The following THADA variants were observed in gnomAD, a reference collection of about 807,000 sequenced individuals.
THADA encodes tRNA (32-2'-O)-methyltransferase regulator THADA.
Under a neutral mutation model 219.8 loss-of-function variants are expected in THADA, and 213 were observed. That is an observed-to-expected ratio of 0.97 (90% CI 0.87 to 1.09). The LOEUF is 1.09. Among genes scored for constraint, THADA ranks in the 50% least tolerant of loss-of-function variants. The pLI is 0.00. For missense variants in THADA, 2,956 were observed against 2,311.3 expected (o/e 1.28, Z -5.72); for synonymous variants, 1,018 against 828.9 (o/e 1.23, Z -3.92).
chr2:43,398,165 C>T (rs1674334806), intron 28 of THADA, 26 bp from the exon 29 acceptor site: 1 of 1,607,698 alleles, frequency 6.2e-7, no homozygotes, highest in South Asian at 1.1e-5. Flanking sequence ...AACACAAGAC[C>T]ATTCAATAGT....
chr2:43,463,610 C>CT (rs1269255009), intron 26 of THADA, among the ~76,000 whole-genome samples: 28 of 152,224 alleles, frequency 1.8e-4, no homozygotes, highest in African/African-American at 6.7e-4. Context: ...AGTCAGTGAA[C>CT]TTAAGCTATT....
intron 20 of THADA, among the ~76,000 whole-genome samples, chr2:43,543,271 T>A (rs1695566981): frequency 7.6e-6 from 1 of 131,788 alleles, no homozygotes; most frequent in South Asian, 2.6e-4. Flanking sequence ...ATCCAGTCTA[T>A]CATTGTTGGA....
chr2:43,594,097 C>G (rs1701885938), intron 1 of THADA, among the ~76,000 whole-genome samples: 1 of 152,100 alleles, frequency 6.6e-6, no homozygotes, highest in South Asian at 2.1e-4. Context: ...GAGAAGATGA[C>G]TGAATATTTT....
At chr2:43,287,360 T>C (rs754385866) in intron 34 of THADA, among the ~76,000 whole-genome samples, 18 of 152,098 alleles carry the variant, frequency 1.2e-4, no homozygotes, top group Non-Finnish European at 2.5e-4. Context: ...AATGGTGCGA[T>C]CTTGGCTCAC....
chr2:43,304,798 A>G (rs1195545723), intron 31 of THADA, among the ~76,000 whole-genome samples: 1 of 151,604 alleles, frequency 6.6e-6, no homozygotes, highest in African/African-American at 2.4e-5. Context: ...CAGCCTCCCG[A>G]GTAGCTGGGA....
Position 43,590,890 on chromosome 2 carries a change from A to T in THADA, c.236T>A (p.Leu79Ter), listed in dbSNP as rs1559037735. 6.2e-7 allele frequency: 1 copy of T among 1,613,866 alleles called. No individual in the cohort carries two copies. Among genetic ancestry groups the T allele is most frequent in the Non-Finnish European group, 8.5e-7 (1 of 1,179,798 alleles). The change falls in exon 4 of 38, where the codon TTG (leucine) becomes TAG (stop). Residue 79 changes from leucine to a stop codon, truncating the protein, a stop_gained. Coordinates refer to ENST00000405975, the MANE Select transcript of THADA (RefSeq NM_022065.5). LOFTEE classifies it high-confidence loss of function. ...AAGATAAATGCCTGCTAAGATATCC[A>T]AACAACTTTGAATAGTGGGATCACA... Reference protein sequence around the residue: ...GMCDPTIQSCLDILAGIYLSL... With the variant: ...GMCDPTIQSC
intron 21 of THADA, among the ~76,000 whole-genome samples, chr2:43,528,381 T>G (rs1693447940): frequency 6.6e-6 from 1 of 152,108 alleles, no homozygotes. Context: ...CTGCCCACCT[T>G]GGTCTCCCAA....
intron 14 of THADA, among the ~76,000 whole-genome samples, chr2:43,568,005 G>A (rs1698880381): frequency 6.6e-6 from 1 of 151,652 alleles, no homozygotes; most frequent in Non-Finnish European, 1.5e-5. Context: ...TTATCTCCAA[G>A]CCTTCATTAA....
intron 28 of THADA, among the ~76,000 whole-genome samples, chr2:43,420,648 G>A (rs931705335): frequency 6.6e-6 from 1 of 152,110 alleles, no homozygotes; most frequent in East Asian, 1.9e-4. Flanking sequence ...TTCCATAAGA[G>A]GTGAACTCCT....
chr2:43,590,513 A>G (rs1040278822), intron 4 of THADA, among the ~76,000 whole-genome samples: 40 of 152,040 alleles, frequency 2.6e-4, no homozygotes, highest in African/African-American at 8.2e-4. Context: ...CATCTCTACT[A>G]AAAACACAAA....
intron 36 of THADA, among the ~76,000 whole-genome samples, chr2:43,260,715 C>T (rs1375016178): frequency 6.6e-6 from 1 of 152,044 alleles, no homozygotes; most frequent in Non-Finnish European, 1.5e-5. Flanking sequence ...TTTTATATTT[C>T]TAGTGTGCTT....
chr2:43,566,146 AG>A (rs202015710), intron 15 of THADA: 2 of 308,764 alleles, frequency 6.5e-6, no homozygotes, highest in Non-Finnish European at 5.9e-6. Flanking sequence ...CAAAAAAAAA[AG>A]ATTCAAAGAG....
intron 14 of THADA, 81 bp downstream of exon 14, chr2:43,570,307 C>A: frequency 7.5e-7 from 1 of 1,329,964 alleles, no homozygotes; most frequent in Non-Finnish European, 1.0e-6. Flanking sequence ...CAAGAGACTT[C>A]CATTTATTTC....
intron 36 of THADA, among the ~76,000 whole-genome samples, chr2:43,273,883 TG>T (rs1284690767): frequency 6.6e-6 from 1 of 152,110 alleles, no homozygotes; most frequent in Non-Finnish European, 1.5e-5. Context: ...TGGGTGACGA[TG>T]ATGCACACAT....
At chr2:43,560,452 T>C (rs188106988) in intron 15 of THADA, 67 bp from the exon 16 acceptor site, 15 of 1,213,742 alleles carry the variant, frequency 1.2e-5, no homozygotes, top group African/African-American at 3.1e-5. Flanking sequence ...CTGAAGTTAT[T>C]TGACCAAATT....
chr2:43,320,089 G>C (rs1341675612), intron 31 of THADA, among the ~76,000 whole-genome samples: 1 of 152,124 alleles, frequency 6.6e-6, no homozygotes, highest in Non-Finnish European at 1.5e-5. Context: ...GCCCAGCTCA[G>C]TTATCTCCAC....
chr2:43,536,057 C>A (rs1337740448), intron 21 of THADA, among the ~76,000 whole-genome samples: 2 of 152,132 alleles, frequency 1.3e-5, no homozygotes, highest in Non-Finnish European at 2.9e-5. Context: ...CCGCCTCAGC[C>A]TCCCAAAGTG....
chr2:43,523,134 G>C (rs1427140956), intron 22 of THADA, among the ~76,000 whole-genome samples: 1 of 152,252 alleles, frequency 6.6e-6, no homozygotes, highest in East Asian at 1.9e-4. Flanking sequence ...GGAAGGCTGA[G>C]GTGGGATACT....
intron 16 of THADA, among the ~76,000 whole-genome samples, chr2:43,557,708 A>C (rs113872187): frequency 6.6e-6 from 1 of 152,218 alleles, no homozygotes; most frequent in Non-Finnish European, 1.5e-5. Flanking sequence ...CTGTGTGTTC[A>C]TAAGTCTGGA....
Sources: allele counts gnomAD v4.1 joint callset (sites outside exome capture counted in the v4.1 genomes callset), GRCh38; gene constraint gnomAD v4.1.1; transcripts MANE v1.5; gene names NCBI Gene and HGNC (gene_info 2026-07-23, HGNC 2026-07-21).